RASSF3: variants seen among roughly 807,000 people sequenced by gnomAD.
RASSF3 encodes the protein ras association domain-containing protein 3.
A neutral mutation model predicts 19.9 loss-of-function variants in RASSF3; 19 were observed. The ratio of observed to expected loss-of-function variants is 0.96; its 90% CI spans 0.67 to 1.40. The LOEUF (loss-of-function observed/expected upper bound fraction) is 1.40, where lower values mean the gene tolerates loss of function less well. Among genes scored for constraint, RASSF3 ranks in the 40% most tolerant of loss-of-function variants. The probability of loss-of-function intolerance (pLI) is 0.00; values close to 1 mark genes in which losing one functional copy is unlikely to be tolerated. For synonymous variants in RASSF3, 110 were observed against 104.2 expected (o/e 1.06, Z -0.34); for missense variants, 306 against 289.8 (o/e 1.06, Z -0.41).
At chr12:64,645,956 G>A (rs570745380) in intron 1 of RASSF3, among the ~76,000 whole-genome samples, 54 of 152,250 alleles carry the variant, frequency 3.5e-4, no homozygotes, top group Admixed American at 2.0e-3. Flanking sequence ...TAATGTTGCC[G>A]CATCTTGAAC....
chr12:64,597,195 C>T (rs747264456), intron 2 of RASSF3, among the ~76,000 whole-genome samples: 6 of 151,730 alleles, frequency 4.0e-5, no homozygotes, highest in Non-Finnish European at 8.8e-5. Flanking sequence ...TGCAGTGGCT[C>T]GATCTTCGCT....
chr12:64,656,028 GAAA>G (rs11356200), intron 1 of RASSF3, among the ~76,000 whole-genome samples: 7 of 108,708 alleles, frequency 6.4e-5, no homozygotes, highest in African/African-American at 1.9e-4. Flanking sequence ...CTTTGTCTCA[GAAA>G]AAAAAAAAAA....
chr12:64,669,652 C>G (rs1872633085), intron 1 of RASSF3, among the ~76,000 whole-genome samples: 1 of 151,822 alleles, frequency 6.6e-6, no homozygotes, highest in Non-Finnish European at 1.5e-5. Context: ...GGTAGCTGGG[C>G]TGCTGTTCTC....
chr12:64,535,847 C>T (rs1194469468), intron 1 of RASSF3, among the ~76,000 whole-genome samples: 1 of 151,536 alleles, frequency 6.6e-6, no homozygotes, highest in Non-Finnish European at 1.5e-5. Context: ...ACCACCACAC[C>T]CACCTAATTT....
chr12:64,614,861 C>CT (rs369976100), intron 1 of RASSF3, among the ~76,000 whole-genome samples: 3,217 of 146,588 alleles, frequency 0.022, 112 homozygotes, highest in African/African-American at 0.077. Context: ...CCAGGCCTGG[C>CT]TTTTTTTTTT....
intron 1 of RASSF3, among the ~76,000 whole-genome samples, chr12:64,659,038 A>G (rs2136196529): frequency 6.6e-6 from 1 of 152,282 alleles, no homozygotes. Context: ...GTGCCACTGC[A>G]CTCCAGCCTG....
At position 64,665,183 on chromosome 12, in the gene RASSF3, C is replaced by T. The variant is rs1264226028; in HGVS notation, c.112-19604C>T. Among the ~76,000 whole-genome samples, 6 of 152,288 alleles carry T rather than the reference C, an allele frequency of 3.9e-5. No homozygotes were observed. The South Asian group carries it at 1.2e-3, about 32-fold the overall frequency. On this transcript the variant is annotated intron_variant, in intron 1 of 4. Coordinates refer to ENST00000542104, the MANE Select transcript of RASSF3 (RefSeq NM_178169.4). The stretch of plus-strand genomic sequence containing the variant: ...TGGATCTGGGTTAGAATCTCAGTGC[C>T]TCTCGCAACCAATTGTTTAAAATGT...
chr12:64,581,666 T>A (rs1308099341), intron 2 of RASSF3, among the ~76,000 whole-genome samples: 1 of 151,938 alleles, frequency 6.6e-6, no homozygotes, highest in Non-Finnish European at 1.5e-5. Context: ...GTGATGAAAA[T>A]TAGAATGTTT....
Position 64,694,890 on chromosome 12 carries a change from G to A in RASSF3, c.695G>A (p.Arg232His), listed in dbSNP as rs74098110. The change falls in exon 5 of 5, where the codon CGT (arginine) becomes CAT (histidine). Residue 232 changes from arginine (R) to histidine (H), a missense_variant. Arg to His is a conservative substitution (Grantham distance 29). Transcript: ENST00000542104. ...AGGCAGAAGCTGGAAGAAGCCCTCC[G>A]TGAGGTGTGGAAGCCTGATTAAAGC... The part of the protein sequence containing the change: ...AYRQKLEEAL[R>H]EVWKPD The A allele has an allele frequency of 5.2e-3, 8,458 of 1,614,166 alleles. 389 individuals are homozygous for A. In the African/African-American group the frequency reaches 0.099, roughly 19 times the overall value.
intron 2 of RASSF3, among the ~76,000 whole-genome samples, chr12:64,603,272 T>A (rs1214208067): frequency 6.6e-6 from 1 of 152,152 alleles, no homozygotes; most frequent in Non-Finnish European, 1.5e-5. Context: ...GGGTCTGAGA[T>A]ACAAGGTAAC....
intron 4 of RASSF3, 100 bp from the exon 5 acceptor site, chr12:64,694,663 G>A (rs1868328633): frequency 1.5e-5 from 20 of 1,313,718 alleles, no homozygotes; most frequent in Non-Finnish European, 1.8e-5. Flanking sequence ...ATGGGGCTGG[G>A]AGGGGAGGGC....
rs1167498423 is a variant in RASSF3, at chr12:64,696,115, CTCCCTCCT to C, written c.*1211_*1218del. 7.5e-6 allele frequency: 1 copy of C among 132,622 alleles called. No homozygotes were observed. Among genetic ancestry groups the C allele is most frequent in the African/African-American group, 2.9e-5 (1 of 34,758 alleles). 8.2% of individuals were successfully genotyped at this position (132,622 alleles called of 1,614,324 possible). A position where few individuals can be genotyped will look rare whatever the true frequency, so the allele number is the denominator to read the frequency against. On this transcript the variant is annotated 3_prime_UTR_variant, in exon 5 of 5. Coordinates refer to ENST00000542104, the MANE Select transcript of RASSF3 (RefSeq NM_178169.4). ...CCTCCCTCCCTCCCTCCCTCCCTCC[CTCCCTCCT>C]TCCCTCCCTCTCTCTCCCTCTCCCT...
upstream of RASSF3, among the ~76,000 whole-genome samples, chr12:64,609,178 C>T (rs111980198): frequency 2.6e-5 from 4 of 152,206 alleles, no homozygotes; most frequent in African/African-American, 9.6e-5. Flanking sequence ...CAAAAGAGCA[C>T]GGCTGACCGA....
At chr12:64,687,687 A>G (rs1270048056) in intron 2 of RASSF3, among the ~76,000 whole-genome samples, 15 of 152,154 alleles carry the variant, frequency 9.9e-5, no homozygotes, top group Admixed American at 6.5e-5. Context: ...TTCAGTGCAT[A>G]TGAATATAGC....
chr12:64,541,596 G>T (rs1868935047), exon 2 of RASSF3: 1 of 398,466 alleles, frequency 2.5e-6, no homozygotes, highest in Non-Finnish European at 4.4e-6. Flanking sequence ...AAATATATAT[G>T]TCATGCTCAC....
intron 1 of RASSF3, among the ~76,000 whole-genome samples, chr12:64,674,320 C>T (rs1872802673): frequency 6.6e-6 from 1 of 152,182 alleles, no homozygotes; most frequent in Non-Finnish European, 1.5e-5. Flanking sequence ...AGTCTTGCAG[C>T]AGTGAGCTCT....
chr12:64,602,988 A>G (rs890472086), intron 2 of RASSF3, among the ~76,000 whole-genome samples: 1 of 152,158 alleles, frequency 6.6e-6, no homozygotes, highest in Non-Finnish European at 1.5e-5. Flanking sequence ...AATCCCAGCT[A>G]CTTGGGAAGC....
chr12:64,631,426 G>A (rs1033496963), intron 1 of RASSF3, among the ~76,000 whole-genome samples: 3 of 152,134 alleles, frequency 2.0e-5, no homozygotes, highest in African/African-American at 2.4e-5. Context: ...AAGCAGGAGA[G>A]TGAGTAGAGG....
chr12:64,592,190 C>T (rs529949499), intron 2 of RASSF3, among the ~76,000 whole-genome samples: 107 of 152,204 alleles, frequency 7.0e-4, no homozygotes, highest in Middle Eastern at 3.4e-3. Flanking sequence ...CATGAGCCAC[C>T]ACATCAGCTA....
Sources: gnomAD v4.1 joint callset for allele counts (sites outside exome capture counted in the v4.1 genomes callset) on GRCh38, gnomAD v4.1.1 for gene constraint, MANE v1.5 for transcripts, NCBI Gene and HGNC (gene_info 2026-07-23, HGNC 2026-07-21) for gene names.